Variants in RIGI observed in about 807,000 individuals in gnomAD.
The protein encoded by RIGI is antiviral innate immune response receptor RIG-I.
chr9:32,458,316 C>T, the RIGI span, among the ~76,000 whole-genome samples: 4 of 152,062 alleles, frequency 2.6e-5, no homozygotes, highest in African/African-American at 7.2e-5. Flanking sequence ...ATTTTGTTTT[C>T]ATTATAAAAG....
the RIGI span, chr9:32,477,013 A>G: frequency 6.2e-7 from 1 of 1,613,932 alleles, no homozygotes; most frequent in African/African-American, 1.3e-5. Flanking sequence ...TCACAAAGAG[A>G]ATTGTTATTG....
At chr9:32,481,460 T>A in the RIGI span, 1 of 1,602,052 alleles carries the variant, frequency 6.2e-7, no homozygotes, top group South Asian at 1.1e-5. Flanking sequence ...CATATTTCTG[T>A]GTTCCAAATT....
the RIGI span, among the ~76,000 whole-genome samples, chr9:32,525,724 C>G: frequency 6.6e-6 from 1 of 152,182 alleles, no homozygotes; most frequent in Non-Finnish European, 1.5e-5. Context: ...GAGCCCTTAT[C>G]TTATTTCTCA....
chr9:32,460,485 G>T, the RIGI span, among the ~76,000 whole-genome samples: 1,566 of 149,052 alleles, frequency 0.011, 32 homozygotes, highest in African/African-American at 0.037. Context: ...CAAACTGAAT[G>T]AAAAAAAAAG....
chr9:32,478,911 C>G, the RIGI span, among the ~76,000 whole-genome samples: 2 of 152,242 alleles, frequency 1.3e-5, no homozygotes, highest in South Asian at 4.1e-4. Context: ...AATAATAATA[C>G]AGATTAAATT....
the RIGI span, among the ~76,000 whole-genome samples, chr9:32,498,981 T>TC: frequency 2.1e-5 from 1 of 48,442 alleles, no homozygotes; most frequent in Non-Finnish European, 4.0e-5. Context: ...AGACTCTGTC[T>TC]CAAAAAAAAA....
chr9:32,483,638 G>A, the RIGI span, among the ~76,000 whole-genome samples: 2 of 152,170 alleles, frequency 1.3e-5, no homozygotes, highest in African/African-American at 4.8e-5. Context: ...AGTGGTTAGA[G>A]GGAGTTTGCA....
At chr9:32,498,385 T>C in the RIGI span, 14 of 456,470 alleles carry the variant, frequency 3.1e-5, no homozygotes, top group African/African-American at 2.4e-4. Flanking sequence ...CTATTCAGCA[T>C]AAATCTCTGT....
the RIGI span, among the ~76,000 whole-genome samples, chr9:32,486,453 CA>C: frequency 1.8e-3 from 110 of 60,830 alleles, no homozygotes; most frequent in South Asian, 4.3e-3. Flanking sequence ...GACTCTGTCT[CA>C]AAAAAAAAAA....
At chr9:32,479,864 T>G in the RIGI span, among the ~76,000 whole-genome samples, 9 of 151,574 alleles carry the variant, frequency 5.9e-5, no homozygotes, top group African/African-American at 2.2e-4. Flanking sequence ...ATACATAAAT[T>G]ATGGTTTTTT....
At chr9:32,480,350 T>C in the RIGI span, 7 of 1,585,176 alleles carry the variant, frequency 4.4e-6, no homozygotes, top group Non-Finnish European at 4.3e-6. Context: ...GGCATCATTA[T>C]ATTTCTGTTG....
the RIGI span, among the ~76,000 whole-genome samples, chr9:32,469,176 C>A: frequency 1.3e-5 from 2 of 151,776 alleles, no homozygotes; most frequent in Non-Finnish European, 2.9e-5. Context: ...CCTATCTACA[C>A]TTGGGAGCAT....
At chr9:32,521,139 C>CAAAAAAAAAAAAAA in the RIGI span, among the ~76,000 whole-genome samples, 2,332 of 32,742 alleles carry the variant, frequency 0.071, 613 homozygotes, top group Non-Finnish European at 0.094. Flanking sequence ...GACACCATCT[C>CAAAAAAAAAAAAAA]AAAAAAAAAA....
the RIGI span, among the ~76,000 whole-genome samples, chr9:32,522,277 A>G: frequency 6.6e-6 from 1 of 152,230 alleles, no homozygotes; most frequent in African/African-American, 2.4e-5. Flanking sequence ...TTAAGAATAC[A>G]GTATATTAAG....
the RIGI span, chr9:32,456,523 A>C: frequency 6.5e-6 from 1 of 153,892 alleles, no homozygotes; most frequent in African/African-American, 2.4e-5. Flanking sequence ...CAGTATATAC[A>C]TGTATATATA....
the RIGI span, chr9:32,457,324 CT>C: frequency 1.2e-6 from 2 of 1,614,088 alleles, no homozygotes; most frequent in East Asian, 4.5e-5. Context: ...TATCTTTGCT[CT>C]TTTTTCAAAA....
the RIGI span, among the ~76,000 whole-genome samples, chr9:32,476,771 C>T: frequency 6.6e-6 from 1 of 151,886 alleles, no homozygotes; most frequent in South Asian, 2.1e-4. Context: ...ACTGGAACTA[C>T]AGGTGCACAG....
At chr9:32,498,440 C>A in the RIGI span, 2 of 442,538 alleles carry the variant, frequency 4.5e-6, no homozygotes, top group Admixed American at 2.4e-5. Flanking sequence ...GCTTCTGGCC[C>A]GAGGCTACAC....
the RIGI span, among the ~76,000 whole-genome samples, chr9:32,502,378 G>C: frequency 6.6e-6 from 1 of 152,194 alleles, no homozygotes; most frequent in Non-Finnish European, 1.5e-5. Flanking sequence ...ACATAGGTGT[G>C]AGATTTCTAG....
Sources: allele counts gnomAD v4.1 joint callset (sites outside exome capture counted in the v4.1 genomes callset), GRCh38; gene constraint gnomAD v4.1.1; transcripts MANE v1.5; gene names NCBI Gene and HGNC (gene_info 2026-07-23, HGNC 2026-07-21).